Variants in MAP3K20 observed in about 807,000 individuals in gnomAD.
The protein encoded by MAP3K20 is HCCS-4.
A neutral mutation model predicts 85.7 loss-of-function variants in MAP3K20; 40 were observed. That is an observed-to-expected ratio of 0.47 (90% confidence interval 0.36 to 0.61). The LOEUF is 0.61. Ranked by LOEUF, MAP3K20 falls within the 20% of genes least tolerant of loss-of-function variation. The pLI is 0.00. For synonymous variants in MAP3K20, 325 were observed against 327.7 expected, an observed-to-expected ratio of 0.99 and a Z score of 0.09; for missense variants, 817 against 961.7, an observed-to-expected ratio of 0.85 and a Z score of 1.99.
chr2:173,218,927 T>C (rs973037038), intron 11 of MAP3K20, among the ~76,000 whole-genome samples: 1 of 152,206 alleles, frequency 6.6e-6, no homozygotes, highest in Non-Finnish European at 1.5e-5. Flanking sequence ...AAACTTTCTG[T>C]GAAGGAACTG....
chr2:173,228,156 C>A (rs1559290494), intron 11 of MAP3K20, among the ~76,000 whole-genome samples: 1 of 152,222 alleles, frequency 6.6e-6, no homozygotes, highest in African/African-American at 2.4e-5. Flanking sequence ...TCAGTGTGTA[C>A]TTTATGTCCT....
At chr2:173,252,332 T>C (rs1036381210) in intron 16 of MAP3K20, among the ~76,000 whole-genome samples, 10 of 152,224 alleles carry the variant, frequency 6.6e-5, no homozygotes, top group African/African-American at 2.4e-4. Context: ...GTTTCTGTTT[T>C]AGTTGGCCAG....
intron 2 of MAP3K20, among the ~76,000 whole-genome samples, chr2:173,162,461 G>A (rs1397930220): frequency 1.3e-5 from 2 of 152,002 alleles, no homozygotes; most frequent in East Asian, 3.9e-4. Flanking sequence ...TGAGGCGGGC[G>A]GCTCACCTGA....
intron 7 of MAP3K20, among the ~76,000 whole-genome samples, chr2:173,195,647 A>G (rs976894099): frequency 1.3e-5 from 2 of 148,700 alleles, no homozygotes; most frequent in African/African-American, 2.4e-5. Flanking sequence ...TTTAGTGTGG[A>G]AAAAAAAAGC....
At position 173,223,062 on chromosome 2, in the gene MAP3K20, T is replaced by C. The variant is rs1684294287; in HGVS notation, c.987+5812T>C. The C allele has an allele frequency of 4.1e-6, 4 of 985,354 alleles. No individual in the cohort carries two copies. In the Admixed American group the frequency reaches 1.8e-4, roughly 45 times the overall value. The allele number at this position is 985,354 out of a possible 1,614,324, so 61.0% of individuals were successfully genotyped here. On this transcript the variant is annotated intron_variant, in intron 11 of 19. Coordinates refer to ENST00000375213, the MANE Select transcript of MAP3K20 (RefSeq NM_016653.3). ...CAGTATTTCTAACTATATTTGATCA[T>C]TAAAAGCCTCTTGGAATTTGAAGCG...
intron 1 of MAP3K20, among the ~76,000 whole-genome samples, chr2:173,085,223 C>T (rs1687114184): frequency 1.3e-5 from 2 of 152,012 alleles, no homozygotes; most frequent in South Asian, 4.1e-4. Context: ...GTAGTGGGGT[C>T]ATTTTTGTTT....
At chr2:173,238,854 AT>A (rs1684715337) in intron 15 of MAP3K20, among the ~76,000 whole-genome samples, 1 of 152,210 alleles carries the variant, frequency 6.6e-6, no homozygotes, top group Admixed American at 6.5e-5. Flanking sequence ...AACATTTTGA[AT>A]CTAGTTTAAA....
At chr2:173,225,917 A>AG (rs1354626194) in intron 11 of MAP3K20, 1 of 985,054 alleles carries the variant, frequency 1.0e-6, no homozygotes, top group Non-Finnish European at 1.2e-6. Context: ...TTAAAAAAAA[A>AG]AAAGAAAAAA....
intron 16 of MAP3K20, among the ~76,000 whole-genome samples, chr2:173,243,490 T>C (rs2106341058): frequency 1.3e-5 from 2 of 152,280 alleles, no homozygotes; most frequent in South Asian, 4.1e-4. Context: ...AAGACTTACC[T>C]TGGAACAGGG....
intron 4 of MAP3K20, among the ~76,000 whole-genome samples, chr2:173,185,456 G>C (rs1342618752): frequency 1.3e-5 from 2 of 151,846 alleles, no homozygotes; most frequent in Non-Finnish European, 2.9e-5. Flanking sequence ...AAAAATCAAG[G>C]CTTTAGGAAT....
intron 2 of MAP3K20, among the ~76,000 whole-genome samples, chr2:173,134,942 A>G (rs1026088091): frequency 6.6e-6 from 1 of 152,216 alleles, no homozygotes; most frequent in Non-Finnish European, 1.5e-5. Context: ...TGACTAGCTT[A>G]GTCCTCAGGC....
chr2:173,120,808 A>G (rs373558445), intron 2 of MAP3K20, among the ~76,000 whole-genome samples: 3 of 147,282 alleles, frequency 2.0e-5, no homozygotes, highest in African/African-American at 7.5e-5. Flanking sequence ...CCCGGGTTCA[A>G]GCAATTCCCC....
At chr2:173,235,468 T>C (rs1025401692) in intron 14 of MAP3K20, among the ~76,000 whole-genome samples, 7 of 152,196 alleles carry the variant, frequency 4.6e-5, no homozygotes, top group East Asian at 1.9e-4. Context: ...TTGAACATGA[T>C]GCTAAATGAA....
At chr2:173,149,501 A>C (rs1689236223) in intron 2 of MAP3K20, among the ~76,000 whole-genome samples, 1 of 79,356 alleles carries the variant, frequency 1.3e-5, no homozygotes. Flanking sequence ...AAAATAAAAA[A>C]GTTTATTTTT....
chr2:173,266,542 G>A lies in MAP3K20; in HGVS notation c.2195G>A (p.Arg732Lys). ...CCTCACCAGTCGCCTGACTTCAAGAGAAGCCCCAGGGACCTCCACCAACCC... is the reference window on the plus strand; with the variant it reads ...CCTCACCAGTCGCCTGACTTCAAGAAAAGCCCCAGGGACCTCCACCAACCC... ...LNPHQSPDFK[R>K]SPRDLHQPNT... The change falls in exon 20 of 20, where the codon AGA (arginine) becomes AAA (lysine). Residue 732 changes from arginine (R) to lysine (K), a missense_variant. Arg to Lys is a conservative substitution (Grantham distance 26, BLOSUM62 2). Around this residue, in one of 4 missense-constraint regions of MAP3K20, gnomAD observed 454 missense variants for 476.9 expected, o/e 0.95. Transcript: ENST00000375213. The A allele has an allele frequency of 2.5e-6, 4 of 1,613,842 alleles. No homozygotes were observed. The highest frequency in any genetic ancestry group is 3.4e-6 in the Non-Finnish European group (4 of 1,179,918).
At chr2:173,123,830 TA>T (rs1381251183) in intron 2 of MAP3K20, among the ~76,000 whole-genome samples, 1 of 152,126 alleles carries the variant, frequency 6.6e-6, no homozygotes, top group Non-Finnish European at 1.5e-5. Context: ...GGAAATAAAA[TA>T]TTTTTTTAGA....
At chr2:173,246,860 C>G (rs113455661) in intron 16 of MAP3K20, among the ~76,000 whole-genome samples, 1 of 152,156 alleles carries the variant, frequency 6.6e-6, no homozygotes, top group African/African-American at 2.4e-5. Context: ...CCGAACACGC[C>G]GGCTACCTAT....
intron 14 of MAP3K20, among the ~76,000 whole-genome samples, chr2:173,236,444 C>G (rs1684651135): frequency 6.6e-6 from 1 of 152,118 alleles, no homozygotes; most frequent in African/African-American, 2.4e-5. Flanking sequence ...TTTATGACCT[C>G]TGCAGAGGGT....
At chr2:173,155,778 T>C (rs769790606) in intron 2 of MAP3K20, among the ~76,000 whole-genome samples, 2 of 152,214 alleles carry the variant, frequency 1.3e-5, no homozygotes, top group African/African-American at 2.4e-5. Context: ...AAAATGTTGT[T>C]GTGGTACCCT....
Sources: gnomAD v4.1 joint callset for allele counts (sites outside exome capture counted in the v4.1 genomes callset) on GRCh38, gnomAD v4.1.1 for gene constraint, gnomAD v4.1.1 regional missense constraint, MANE v1.5 for transcripts, NCBI Gene and HGNC (gene_info 2026-07-23, HGNC 2026-07-21) for gene names.